NAALADL2: variants seen among roughly 807,000 people sequenced by gnomAD.
The protein encoded by NAALADL2 is N-acetylated alpha-linked acidic dipeptidase like 2.
A neutral mutation model predicts 87.2 loss-of-function variants in NAALADL2; 76 were observed. The ratio of observed to expected loss-of-function variants is 0.87; its 90% CI spans 0.72 to 1.05. The LOEUF (loss-of-function observed/expected upper bound fraction) is 1.05, where lower values mean the gene tolerates loss of function less well. Ranked by LOEUF, NAALADL2 falls within the 50% of genes least tolerant of loss-of-function variation. The pLI is 0.00. For missense variants in NAALADL2, 1,089 were observed against 945.8 expected, an observed-to-expected ratio of 1.15 and a Z score of -1.99; for synonymous variants, 354 against 331.0, an observed-to-expected ratio of 1.07 and a Z score of -0.75.
At chr3:174,933,704 A>T (rs552635619) in intron 1 of NAALADL2, among the ~76,000 whole-genome samples, 29 of 152,320 alleles carry the variant, frequency 1.9e-4, no homozygotes, top group African/African-American at 6.7e-4. Flanking sequence ...AACTGATGTT[A>T]TTCAAAGATA....
intron 9 of NAALADL2, among the ~76,000 whole-genome samples, chr3:175,506,384 G>A (rs1730316470): frequency 6.6e-6 from 1 of 152,058 alleles, no homozygotes; most frequent in African/African-American, 2.4e-5. Context: ...TGCAATTTAT[G>A]TTCATTTTCG....
intron 2 of NAALADL2, among the ~76,000 whole-genome samples, chr3:174,733,665 C>T (rs1248817694): frequency 3.9e-5 from 6 of 152,150 alleles, no homozygotes; most frequent in African/African-American, 9.7e-5. Flanking sequence ...CTGCTTGCCA[C>T]GCAGAAAGTC....
At chr3:174,500,078 C>T (rs1718791062) in intron 1 of NAALADL2, among the ~76,000 whole-genome samples, 1 of 150,500 alleles carries the variant, frequency 6.6e-6, no homozygotes, top group Non-Finnish European at 1.5e-5. Context: ...TCTCTGTTTA[C>T]ATGTATCTTT....
intron 4 of NAALADL2, among the ~76,000 whole-genome samples, chr3:175,262,578 G>GTGTGTC (rs1751247542): frequency 1.3e-5 from 1 of 74,142 alleles, no homozygotes; most frequent in African/African-American, 4.6e-5. Flanking sequence ...TTGTGTGAGT[G>GTGTGTC]TGTGTGTGTG....
At chr3:175,146,573 C>T (rs1042665827) in intron 2 of NAALADL2, among the ~76,000 whole-genome samples, 1 of 152,056 alleles carries the variant, frequency 6.6e-6, no homozygotes, top group Admixed American at 6.6e-5. Context: ...CAAAGTAGGG[C>T]ATATAGCATA....
intron 12 of NAALADL2, among the ~76,000 whole-genome samples, chr3:175,751,364 A>AT (rs1308477743): frequency 3.9e-5 from 6 of 152,042 alleles, no homozygotes; most frequent in Non-Finnish European, 7.4e-5. Context: ...ATTGGGTTGG[A>AT]GGGGCACAGG....
intron 2 of NAALADL2, among the ~76,000 whole-genome samples, chr3:174,705,094 G>C (rs1041860495): frequency 3.9e-5 from 6 of 152,062 alleles, no homozygotes; most frequent in Non-Finnish European, 7.3e-5. Flanking sequence ...TATTCCAGCA[G>C]CTCAGGGTCC....
rs1735416219 is a variant in NAALADL2 at position 175,680,315 on chromosome 3, A to C, written c.1896+52929A>C. On this transcript the variant is annotated intron_variant, in intron 11 of 13. Coordinates refer to ENST00000454872, the MANE Select transcript of NAALADL2 (RefSeq NM_207015.3). ...TTGGGAGCTCTCAAAAATAATGTGT[A>C]TGTGCTTTCCATTGATTTATTTACT... 2.6e-5 allele frequency among the ~76,000 whole-genome samples: 4 copies of C among 152,228 alleles called. No homozygotes were observed. The South Asian group carries it at 8.3e-4, about 31-fold the overall frequency.
intron 1 of NAALADL2, among the ~76,000 whole-genome samples, chr3:174,541,178 T>A (rs1158726710): frequency 6.6e-6 from 1 of 152,210 alleles, no homozygotes. Flanking sequence ...AAAGAAACCT[T>A]TTCTGAAGCC....
At chr3:174,770,718 C>T (rs2687719) in intron 3 of NAALADL2, among the ~76,000 whole-genome samples, 43,787 of 151,782 alleles carry the variant, frequency 0.29, 6,361 homozygotes, top group Middle Eastern at 0.34. Context: ...TGGGCACCTG[C>T]AGTCCCAGCT....
chr3:174,833,677 A>G lies in NAALADL2; in HGVS notation c.-9+95931A>G, dbSNP rs558079636. 3.9e-5 allele frequency among the ~76,000 whole-genome samples: 6 copies of G among 152,222 alleles called. No homozygotes were observed. In the East Asian group the frequency reaches 5.8e-4, roughly 15 times the overall value. On this transcript the variant is annotated intron_variant, in intron 3 of 3. Transcript: ENST00000434257. ...CATTAACAAAATACTATCAAATTCA[A>G]TGCAGCTATATATGAAAAAGGTGTG...
intron 1 of NAALADL2, among the ~76,000 whole-genome samples, chr3:174,987,442 G>A (rs1487806665): frequency 3.4e-5 from 5 of 145,922 alleles, no homozygotes; most frequent in African/African-American, 1.3e-4. Context: ...AGTGGCGGGC[G>A]CCTGTAGTCC....
Position 175,247,488 on chromosome 3 carries a change from G to C in NAALADL2, c.820-8923G>C, listed in dbSNP as rs183193745. Among the ~76,000 whole-genome samples the C allele has an allele frequency of 4.4e-3, 668 of 152,214 alleles. 2 individuals carry two copies. The highest frequency in any genetic ancestry group is 0.015 in the African/African-American group (622 of 41,538). The stretch of plus-strand genomic sequence containing the variant: ...AGACCTGAAAATGGCAAAATAATGA[G>C]TCAAATGAATCCGGGAAAGAGGGTG... On this transcript the variant is annotated intron_variant, in intron 3 of 13. Transcript: ENST00000454872.
chr3:175,314,072 CAAAAAA>C (rs10678475), intron 4 of NAALADL2, among the ~76,000 whole-genome samples: 1 of 79,846 alleles, frequency 1.3e-5, no homozygotes, highest in African/African-American at 4.3e-5. Flanking sequence ...GACTCCATCT[CAAAAAA>C]AAAAAAAAAA....
intron 1 of NAALADL2, among the ~76,000 whole-genome samples, chr3:174,874,913 T>C (rs990932513): frequency 5.3e-5 from 8 of 151,628 alleles, no homozygotes; most frequent in Admixed American, 2.0e-4. Context: ...CCAAGGAGGT[T>C]GAGACCAGCC....
chr3:175,629,560 T>C (rs577566443), intron 11 of NAALADL2, among the ~76,000 whole-genome samples: 1 of 151,700 alleles, frequency 6.6e-6, no homozygotes, highest in Admixed American at 6.6e-5. Context: ...TCAAGGATTT[T>C]TGTGGAAGGG....
At chr3:175,551,922 CA>C (rs11456834) in intron 9 of NAALADL2, among the ~76,000 whole-genome samples, 1,346 of 122,660 alleles carry the variant, frequency 0.011, 21 homozygotes, top group African/African-American at 0.038. Flanking sequence ...GACTCTGTCT[CA>C]AAAAAAAAAA....
chr3:175,631,219 G>A (rs1164513109), intron 11 of NAALADL2, among the ~76,000 whole-genome samples: 1 of 151,476 alleles, frequency 6.6e-6, no homozygotes, highest in Non-Finnish European at 1.5e-5. Context: ...TATAAATAGG[G>A]TTTTGCTGAA....
intron 1 of NAALADL2, among the ~76,000 whole-genome samples, chr3:174,883,137 G>C (rs1223248024): frequency 6.6e-6 from 1 of 151,922 alleles, no homozygotes; most frequent in Non-Finnish European, 1.5e-5. Flanking sequence ...TTTCTTGCCT[G>C]CTTATATTCT....
Sources: gnomAD v4.1 joint callset for allele counts (sites outside exome capture counted in the v4.1 genomes callset) on GRCh38, gnomAD v4.1.1 for gene constraint, MANE v1.5 for transcripts, NCBI Gene and HGNC (gene_info 2026-07-23, HGNC 2026-07-21) for gene names.